Variants in KPNA7 observed in about 807,000 individuals in gnomAD.
The protein encoded by KPNA7 is karyopherin subunit alpha 7.
In KPNA7, 54 loss-of-function variants were observed where a neutral mutation model predicts 53.7. The observed-to-expected ratio is 1.01, with a 90% CI of 0.81 to 1.26. The LOEUF (loss-of-function observed/expected upper bound fraction) is 1.26. KPNA7 is among the 50% of genes most tolerant of loss of function. KPNA7 has a pLI of 0.00. For missense variants in KPNA7, 640 were observed against 644.5 expected, an observed-to-expected ratio of 0.99 and a Z score of 0.07; for synonymous variants, 276 against 259.3, an observed-to-expected ratio of 1.06 and a Z score of -0.62.
At chr7:99,171,420 T>C (rs1798766837), downstream of KPNA7, among the ~76,000 whole-genome samples, 1 of 92,506 alleles carries the variant, frequency 1.1e-5, no homozygotes. Flanking sequence ...CCCTGTTTCC[T>C]GGATCCCATG....
At chr7:99,163,327 A>T in the KPNA7 span, among the ~76,000 whole-genome samples, 1 of 139,602 alleles carries the variant, frequency 7.2e-6, no homozygotes, top group Non-Finnish European at 1.5e-5. Flanking sequence ...TAATATACAT[A>T]TTTTATATAT....
intron 6 of KPNA7, among the ~76,000 whole-genome samples, chr7:99,191,810 T>G (rs919625578): frequency 7.9e-5 from 12 of 152,110 alleles, no homozygotes; most frequent in Non-Finnish European, 1.6e-4. Context: ...CCACCATGCC[T>G]GGCTAGTTTC....
intron 7 of KPNA7, among the ~76,000 whole-genome samples, chr7:99,187,075 T>G (rs1789632941): frequency 6.6e-6 from 1 of 151,816 alleles, no homozygotes; most frequent in African/African-American, 2.4e-5. Context: ...TCACCTGAGG[T>G]CAAGAGTTCA....
At chr7:99,176,703 C>T (rs1052836426) in intron 10 of KPNA7, among the ~76,000 whole-genome samples, 2 of 151,634 alleles carry the variant, frequency 1.3e-5, no homozygotes, top group Admixed American at 6.6e-5. Flanking sequence ...GGTGAAACCC[C>T]ATCTCTACAA....
At chr7:99,174,905 G>A (rs1798844903) in intron 10 of KPNA7, among the ~76,000 whole-genome samples, 1 of 151,720 alleles carries the variant, frequency 6.6e-6, no homozygotes, top group Non-Finnish European at 1.5e-5. Flanking sequence ...CTGCTTTCTG[G>A]GTTCAAGTGA....
the KPNA7 span, among the ~76,000 whole-genome samples, chr7:99,157,941 A>AT: frequency 4.7e-5 from 7 of 150,398 alleles, no homozygotes; most frequent in South Asian, 6.4e-4. Context: ...CACCTGGCTA[A>AT]TTTTTTTTTG....
At position 99,201,865 on chromosome 7, in the gene KPNA7, A is replaced by G. The variant is rs1324210298; in HGVS notation, c.201+1241T>C. Among the ~76,000 whole-genome samples, 14 of 151,352 alleles carry G rather than the reference A, an allele frequency of 9.2e-5. No individual in the cohort carries two copies. The East Asian group carries it at 2.4e-3, about 26-fold the overall frequency. On this transcript the variant is annotated intron_variant, in intron 3 of 10. Transcript: ENST00000327442. ...TGGGATTACAGGCACCCACTACCAC[A>G]CCCGGCTAATTTTTGTATTCTTAGT...
At chr7:99,150,757 C>G in the KPNA7 span, among the ~76,000 whole-genome samples, 1 of 152,138 alleles carries the variant, frequency 6.6e-6, no homozygotes, top group Non-Finnish European at 1.5e-5. Context: ...ATTTGAGTGC[C>G]CAGCTCTTGC....
At chr7:99,149,019 C>G in the KPNA7 span, among the ~76,000 whole-genome samples, 3 of 151,096 alleles carry the variant, frequency 2.0e-5, no homozygotes, top group African/African-American at 7.3e-5. Context: ...CCTCAGCCTT[C>G]CGAGTAGCTG....
At chr7:99,160,874 C>CT in the KPNA7 span, among the ~76,000 whole-genome samples, 1,616 of 147,902 alleles carry the variant, frequency 0.011, 23 homozygotes, top group African/African-American at 0.034. Context: ...TGTATGCCAC[C>CT]TTTTTTTTTT....
At chr7:99,195,774 G>A (rs1790197393) in intron 4 of KPNA7, among the ~76,000 whole-genome samples, 1 of 152,258 alleles carries the variant, frequency 6.6e-6, no homozygotes, top group East Asian at 1.9e-4. Flanking sequence ...AGATCCTAGT[G>A]TTCAACCGAT....
downstream of KPNA7, among the ~76,000 whole-genome samples, chr7:99,172,000 T>C (rs931365113): frequency 8.5e-5 from 13 of 152,292 alleles, no homozygotes; most frequent in East Asian, 2.5e-3. Context: ...TTACACAGGC[T>C]GTAAGAATTT....
upstream of KPNA7, among the ~76,000 whole-genome samples, chr7:99,208,834 G>T (rs1447123740): frequency 1.3e-5 from 2 of 152,164 alleles, no homozygotes; most frequent in Non-Finnish European, 2.9e-5. Context: ...CTCAAATGAG[G>T]CAGATGGGCT....
At chr7:99,162,168 C>T in the KPNA7 span, among the ~76,000 whole-genome samples, 2 of 151,718 alleles carry the variant, frequency 1.3e-5, no homozygotes, top group African/African-American at 4.8e-5. Flanking sequence ...ACCTTGCCTC[C>T]CGAGTAACTG....
At chr7:99,146,078 T>C in the KPNA7 span, among the ~76,000 whole-genome samples, 1 of 152,166 alleles carries the variant, frequency 6.6e-6, no homozygotes, top group African/African-American at 2.4e-5. Flanking sequence ...GTAATCCCCA[T>C]TCTTCTGCCA....
chr7:99,204,576 G>C (rs1336958564), intron 2 of KPNA7, among the ~76,000 whole-genome samples: 1 of 152,100 alleles, frequency 6.6e-6, no homozygotes, highest in Non-Finnish European at 1.5e-5. Context: ...CTTAATTCTT[G>C]CTTGAAAATG....
downstream of KPNA7, among the ~76,000 whole-genome samples, chr7:99,170,077 G>C (rs138315660): frequency 3.9e-4 from 60 of 152,272 alleles, no homozygotes; most frequent in Middle Eastern, 3.4e-3. Context: ...GGGATCACTT[G>C]TTGGAATGGC....
intron 1 of KPNA7, among the ~76,000 whole-genome samples, chr7:99,213,692 C>T (rs1791133718): frequency 6.6e-6 from 1 of 151,998 alleles, no homozygotes; most frequent in African/African-American, 2.4e-5. Context: ...CTCACTGCAG[C>T]CTCAAACTAC....
intron 9 of KPNA7, among the ~76,000 whole-genome samples, chr7:99,179,495 G>T (rs1208809903): frequency 6.6e-6 from 1 of 152,060 alleles, no homozygotes; most frequent in African/African-American, 2.4e-5. Flanking sequence ...AGTTGAGGCT[G>T]CAGTGAGCTG....
Sources: allele counts gnomAD v4.1 joint callset (sites outside exome capture counted in the v4.1 genomes callset), GRCh38; gene constraint gnomAD v4.1.1; transcripts MANE v1.5; gene names NCBI Gene and HGNC (gene_info 2026-07-23, HGNC 2026-07-21).